MAF: variants seen among roughly 807,000 people sequenced by gnomAD.
The protein encoded by MAF is MAF bZIP transcription factor, also known as transcription factor Maf.
MAF carries 10 observed loss-of-function variants against 22.0 expected under a neutral mutation model. The observed-to-expected ratio is 0.45, with a 90% CI of 0.28 to 0.77. The LOEUF is 0.77. MAF is among the 30% of genes least tolerant of loss of function. The probability of loss-of-function intolerance (pLI) is 0.12; values close to 1 mark genes in which losing one functional copy is unlikely to be tolerated. For synonymous variants in MAF, 337 were observed against 255.8 expected (o/e 1.32, Z -3.03); for missense variants, 544 against 548.4 (o/e 0.99, Z 0.08).
the MAF span, among the ~76,000 whole-genome samples, chr16:79,228,598 C>G: frequency 6.6e-6 from 1 of 152,050 alleles, no homozygotes; most frequent in East Asian, 1.9e-4. Context: ...GGCTCATGCC[C>G]TTTTCAATGG....
At chr16:79,490,276 G>T in the MAF span, among the ~76,000 whole-genome samples, 3 of 152,148 alleles carry the variant, frequency 2.0e-5, no homozygotes, top group African/African-American at 7.2e-5. Flanking sequence ...CCTTCGTCTT[G>T]ATAGAATAGC....
the MAF span, among the ~76,000 whole-genome samples, chr16:79,460,216 G>C: frequency 5.4e-3 from 817 of 152,076 alleles, 5 homozygotes; most frequent in African/African-American, 0.018. Flanking sequence ...ACAGTGTTTG[G>C]TAACTGACCG....
the MAF span, among the ~76,000 whole-genome samples, chr16:79,552,836 G>A: frequency 6.6e-6 from 1 of 152,146 alleles, no homozygotes; most frequent in African/African-American, 2.4e-5. Context: ...CTAAGGCTTG[G>A]TAAATGTTGA....
At chr16:79,240,788 A>G in the MAF span, among the ~76,000 whole-genome samples, 2 of 151,860 alleles carry the variant, frequency 1.3e-5, no homozygotes, top group South Asian at 4.2e-4. Context: ...CACCTCATAC[A>G]AGAGAGCTTC....
At chr16:79,596,982 A>G in intron 1 of MAF, 2 of 1,053,022 alleles carry the variant, frequency 1.9e-6, no homozygotes, top group African/African-American at 1.7e-5. Flanking sequence ...ACATTTTTGA[A>G]TGTAAAATAC....
the MAF span, among the ~76,000 whole-genome samples, chr16:79,500,401 C>A: frequency 6.6e-6 from 1 of 152,154 alleles, no homozygotes; most frequent in Non-Finnish European, 1.5e-5. Context: ...AACAGCCTTC[C>A]AGCTTATAGT....
the MAF span, among the ~76,000 whole-genome samples, chr16:79,427,837 G>T: frequency 1.3e-5 from 2 of 152,098 alleles, no homozygotes; most frequent in African/African-American, 2.4e-5. Context: ...TTGTGAGAAA[G>T]AATCTGATTT....
At chr16:79,325,571 A>G in the MAF span, among the ~76,000 whole-genome samples, 1 of 151,070 alleles carries the variant, frequency 6.6e-6, no homozygotes, top group Non-Finnish European at 1.5e-5. Context: ...ACACACACAG[A>G]TGCCCACACA....
chr16:79,236,543 T>A, the MAF span, among the ~76,000 whole-genome samples: 1 of 152,032 alleles, frequency 6.6e-6, no homozygotes, highest in Non-Finnish European at 1.5e-5. Flanking sequence ...ATGAGATCTT[T>A]CAAAACATAA....
At chr16:79,235,550 G>T in the MAF span, among the ~76,000 whole-genome samples, 1 of 151,846 alleles carries the variant, frequency 6.6e-6, no homozygotes, top group African/African-American at 2.4e-5. Context: ...AAAACCAGAA[G>T]AAATTTTAAA....
chr16:79,452,375 C>T, the MAF span, among the ~76,000 whole-genome samples: 1 of 152,014 alleles, frequency 6.6e-6, no homozygotes, highest in Non-Finnish European at 1.5e-5. Flanking sequence ...TACATATATG[C>T]AATTTAAATA....
At chr16:79,330,414 C>T in the MAF span, among the ~76,000 whole-genome samples, 1 of 152,162 alleles carries the variant, frequency 6.6e-6, no homozygotes, top group African/African-American at 2.4e-5. Context: ...TTTATAAGCT[C>T]TGAGTCTTGG....
the MAF span, among the ~76,000 whole-genome samples, chr16:79,461,493 C>G: frequency 6.6e-6 from 1 of 152,120 alleles, no homozygotes; most frequent in East Asian, 1.9e-4. Context: ...GGAGTATTGC[C>G]TAGGAAGCCC....
At chr16:79,357,811 G>A in the MAF span, among the ~76,000 whole-genome samples, 10 of 152,122 alleles carry the variant, frequency 6.6e-5, no homozygotes, top group African/African-American at 2.4e-5. Context: ...TCCCTGCCCA[G>A]TGTCTGACAT....
chr16:79,269,378 C>T, the MAF span, among the ~76,000 whole-genome samples: 1 of 152,126 alleles, frequency 6.6e-6, no homozygotes, highest in Non-Finnish European at 1.5e-5. Flanking sequence ...TTACAGGTGT[C>T]ACCATGGCCG....
chr16:79,487,554 T>C, the MAF span, among the ~76,000 whole-genome samples: 4 of 152,180 alleles, frequency 2.6e-5, no homozygotes, highest in African/African-American at 9.6e-5. Flanking sequence ...GTTTTTAAAA[T>C]GAAGAAAAAG....
At chr16:79,293,913 A>C in the MAF span, among the ~76,000 whole-genome samples, 5 of 152,202 alleles carry the variant, frequency 3.3e-5, no homozygotes, top group Non-Finnish European at 5.9e-5. Context: ...TGAGAATGTG[A>C]TCAGACAATT....
At chr16:79,561,943 G>A in the MAF span, among the ~76,000 whole-genome samples, 1 of 152,132 alleles carries the variant, frequency 6.6e-6, no homozygotes, top group Non-Finnish European at 1.5e-5. Context: ...CGAGCCAAGA[G>A]TAGACACAAC....
At chr16:79,555,206 C>T in the MAF span, among the ~76,000 whole-genome samples, 125 of 152,222 alleles carry the variant, frequency 8.2e-4, no homozygotes, top group Non-Finnish European at 1.6e-3. Context: ...CCTCTCTCAT[C>T]TCTCTGTGCC....
Sources: allele counts gnomAD v4.1 joint callset (sites outside exome capture counted in the v4.1 genomes callset), GRCh38; gene constraint gnomAD v4.1.1; transcripts MANE v1.5; gene names NCBI Gene and HGNC (gene_info 2026-07-23, HGNC 2026-07-21).